The following UNC13C variants were observed in gnomAD, a reference collection of about 807,000 sequenced individuals.
UNC13C encodes unc-13 homolog C.
In UNC13C, 174 loss-of-function variants were observed where a neutral mutation model predicts 245.4. The ratio of observed to expected loss-of-function variants is 0.71; its 90% CI spans 0.63 to 0.80. The LOEUF (loss-of-function observed/expected upper bound fraction) is 0.80, where lower values mean the gene tolerates loss of function less well. Ranked by LOEUF, UNC13C falls within the 30% of genes least tolerant of loss-of-function variation. UNC13C has a pLI of 0.00. For missense variants in UNC13C, 2,829 were observed against 2,602.9 expected (o/e 1.09, Z -1.89); for synonymous variants, 992 against 895.1 (o/e 1.11, Z -1.93).
intron 19 of UNC13C, among the ~76,000 whole-genome samples, chr15:54,465,016 A>G (rs916665974): frequency 6.6e-6 from 1 of 152,050 alleles, no homozygotes; most frequent in Non-Finnish European, 1.5e-5. Flanking sequence ...CTTTCTGTAT[A>G]TTACACAGAT....
At chr15:54,298,857 A>G (rs1362947359) in intron 12 of UNC13C, among the ~76,000 whole-genome samples, 1 of 152,172 alleles carries the variant, frequency 6.6e-6, no homozygotes, top group Non-Finnish European at 1.5e-5. Context: ...AGAAAAAGAC[A>G]ACTGAAAGAT....
chr15:54,408,161 C>G (rs915999775), intron 18 of UNC13C, among the ~76,000 whole-genome samples: 1 of 129,384 alleles, frequency 7.7e-6, no homozygotes, highest in Admixed American at 9.0e-5. Flanking sequence ...GATGGCGCCA[C>G]TGCACTCCAG....
chr15:53,895,697 A>G, the UNC13C span, among the ~76,000 whole-genome samples: 5 of 152,150 alleles, frequency 3.3e-5, no homozygotes, highest in Admixed American at 3.3e-4. Flanking sequence ...TTTCTTAGGC[A>G]TTACAGACGA....
intron 17 of UNC13C, among the ~76,000 whole-genome samples, chr15:54,381,432 A>G (rs778953390): frequency 2.0e-5 from 3 of 152,000 alleles, no homozygotes; most frequent in Admixed American, 6.6e-5. Flanking sequence ...CTTTGGTTAT[A>G]CAGGATCTGT....
At chr15:54,173,572 T>C (rs182796814) in intron 4 of UNC13C, among the ~76,000 whole-genome samples, 2 of 152,258 alleles carry the variant, frequency 1.3e-5, no homozygotes, top group East Asian at 3.9e-4. Flanking sequence ...GATCTTGTAT[T>C]CTGCAACTTT....
chr15:54,408,352 A>G (rs2040350861), intron 18 of UNC13C, among the ~76,000 whole-genome samples: 1 of 151,938 alleles, frequency 6.6e-6, no homozygotes, highest in East Asian at 1.9e-4. Context: ...TTCCCTTTAC[A>G]TCTCCTCTAA....
chr15:53,853,622 G>A, the UNC13C span, among the ~76,000 whole-genome samples: 1 of 152,156 alleles, frequency 6.6e-6, no homozygotes, highest in African/African-American at 2.4e-5. Flanking sequence ...GGTTGCAAAA[G>A]CATTCCTTTT....
intron 10 of UNC13C, among the ~76,000 whole-genome samples, chr15:54,266,438 T>C (rs1175502349): frequency 6.6e-6 from 1 of 151,936 alleles, no homozygotes; most frequent in Non-Finnish European, 1.5e-5. Flanking sequence ...AATTGGAAGT[T>C]AAAATTAAAT....
intron 17 of UNC13C, among the ~76,000 whole-genome samples, chr15:54,344,211 G>T (rs1330452015): frequency 6.6e-6 from 1 of 152,154 alleles, no homozygotes; most frequent in Non-Finnish European, 1.5e-5. Context: ...TAATTAAGCT[G>T]CCAAAGTGAA....
chr15:54,298,858 A>T lies in UNC13C; in HGVS notation c.4104+932A>T, dbSNP rs1275426667. 3.3e-5 allele frequency among the ~76,000 whole-genome samples: 5 copies of T among 152,196 alleles called. No homozygotes were observed. In the East Asian group the frequency reaches 9.6e-4, roughly 29 times the overall value. On this transcript the variant is annotated intron_variant, in intron 12 of 32. Coordinates refer to ENST00000260323, the MANE Select transcript of UNC13C (RefSeq NM_001080534.3). ...AAAGTACCTTCCTCAGAAAAAGACA[A>T]CTGAAAGATAGTTCTACTTTTGTGC... is the stretch of plus-strand genomic sequence containing the variant.
chr15:54,538,154 A>G (rs1264394952), intron 26 of UNC13C, among the ~76,000 whole-genome samples: 2 of 146,198 alleles, frequency 1.4e-5, no homozygotes, highest in South Asian at 2.1e-4. Context: ...AAAAAAAAAA[A>G]AAAAAAAAAA....
chr15:54,575,321 CA>C (rs1307514497), intron 30 of UNC13C, among the ~76,000 whole-genome samples: 1 of 152,128 alleles, frequency 6.6e-6, no homozygotes, highest in Non-Finnish European at 1.5e-5. Flanking sequence ...GTTTAAATAC[CA>C]GATTATATAT....
chr15:54,313,750 C>T (rs564650835), intron 13 of UNC13C, among the ~76,000 whole-genome samples: 49 of 151,402 alleles, frequency 3.2e-4, no homozygotes, highest in Non-Finnish European at 5.0e-4. Flanking sequence ...GGAACAGATA[C>T]GTATACAAGT....
chr15:54,626,732 T>TCCAATGTATACAGTTTTCAGCAGTATTTG, intron 32 of UNC13C, 96 bp from the exon 33 acceptor site: 1 of 1,086,818 alleles, frequency 9.2e-7, no homozygotes, highest in African/African-American at 1.6e-5. Context: ...AATAATCAGA[T>TCCAATGTATACAGTTTTCAGCAGTATTTG]CCAATGTATA....
intron 30 of UNC13C, among the ~76,000 whole-genome samples, chr15:54,598,408 T>A (rs1050025782): frequency 6.6e-6 from 1 of 152,200 alleles, no homozygotes; most frequent in African/African-American, 2.4e-5. Context: ...AGGTCCTTTT[T>A]TTAATTCTAA....
intron 2 of UNC13C, among the ~76,000 whole-genome samples, chr15:54,088,997 G>A (rs973061357): frequency 6.6e-6 from 1 of 152,102 alleles, no homozygotes; most frequent in Non-Finnish European, 1.5e-5. Context: ...CTTGATGCTG[G>A]CCTTGGCAAT....
At chr15:54,011,673 A>G (rs1187772947) in intron 1 of UNC13C, among the ~76,000 whole-genome samples, 1 of 152,220 alleles carries the variant, frequency 6.6e-6, no homozygotes, top group African/African-American at 2.4e-5. Context: ...GAAGAGTTAT[A>G]CCCTGATAGT....
intron 10 of UNC13C, among the ~76,000 whole-genome samples, chr15:54,272,112 A>G (rs537420322): frequency 2.4e-4 from 36 of 152,238 alleles, no homozygotes; most frequent in South Asian, 4.1e-4. Context: ...CGCCATGGGA[A>G]ATGTGCTAAA....
At chr15:54,160,655 T>C (rs768428253) in intron 4 of UNC13C, among the ~76,000 whole-genome samples, 15 of 152,190 alleles carry the variant, frequency 9.9e-5, no homozygotes, top group Admixed American at 2.6e-4. Flanking sequence ...AAAAGCTTCC[T>C]AATTTCTCTA....
Sources: gnomAD v4.1 joint callset for allele counts (sites outside exome capture counted in the v4.1 genomes callset) on GRCh38, gnomAD v4.1.1 for gene constraint, MANE v1.5 for transcripts, NCBI Gene and HGNC (gene_info 2026-07-23, HGNC 2026-07-21) for gene names.